The following REC114 variants were observed in gnomAD, a reference collection of about 807,000 sequenced individuals.
The protein encoded by REC114 is meiotic recombination protein REC114.
REC114 carries 27 observed loss-of-function variants against 31.3 expected under a neutral mutation model. The ratio of observed to expected loss-of-function variants is 0.86; its 90% confidence interval spans 0.64 to 1.19. The LOEUF is 1.19. Ranked by LOEUF, REC114 falls within the 50% of genes most tolerant of loss-of-function variation. The probability of loss-of-function intolerance (pLI) is 0.00; values close to 1 mark genes in which losing one functional copy is unlikely to be tolerated. For missense variants in REC114, 344 were observed against 326.9 expected, an observed-to-expected ratio of 1.05 and a Z score of -0.40; for synonymous variants, 134 against 127.7, an observed-to-expected ratio of 1.05 and a Z score of -0.33.
intron 2 of REC114, among the ~76,000 whole-genome samples, chr15:73,475,835 A>G (rs1046648459): frequency 6.6e-6 from 1 of 152,216 alleles, no homozygotes; most frequent in East Asian, 1.9e-4. Flanking sequence ...GTCCTAGGCC[A>G]TCACATTCAT....
intron 3 of REC114, 91 bp downstream of exon 3, chr15:73,540,659 T>C: frequency 1.9e-6 from 2 of 1,064,524 alleles, no homozygotes; most frequent in Non-Finnish European, 2.9e-6. Flanking sequence ...AGGTGACGGG[T>C]ACTGGGAAGA....
At chr15:73,528,545 G>A (rs749690084) in intron 2 of REC114, among the ~76,000 whole-genome samples, 5 of 152,162 alleles carry the variant, frequency 3.3e-5, no homozygotes, top group Non-Finnish European at 7.3e-5. Flanking sequence ...TAGGGCAGGG[G>A]TTAGCACACA....
chr15:73,443,513 A>G (rs1235841804), intron 1 of REC114, among the ~76,000 whole-genome samples, 169 bp downstream of exon 1: 1 of 152,236 alleles, frequency 6.6e-6, no homozygotes, highest in Non-Finnish European at 1.5e-5. Context: ...AAATACATAC[A>G]TAGCAGTAGG....
At chr15:73,447,276 G>A (rs531884327) in intron 1 of REC114, among the ~76,000 whole-genome samples, 2 of 152,304 alleles carry the variant, frequency 1.3e-5, no homozygotes, top group African/African-American at 2.4e-5. Flanking sequence ...GGAAGATCTG[G>A]GCTAGAGATG....
intron 1 of REC114, among the ~76,000 whole-genome samples, chr15:73,447,539 T>C (rs2151249714): frequency 6.6e-6 from 1 of 151,948 alleles, no homozygotes; most frequent in Admixed American, 6.6e-5. Context: ...CCGAGGCTAC[T>C]TGGGAGGCTG....
intron 1 of REC114, among the ~76,000 whole-genome samples, chr15:73,463,841 T>G (rs1419790532): frequency 2.0e-5 from 3 of 152,002 alleles, no homozygotes; most frequent in Non-Finnish European, 4.4e-5. Context: ...TTCCCTAGAC[T>G]CCTTCGGTGT....
intron 1 of REC114, among the ~76,000 whole-genome samples, chr15:73,450,879 A>G (rs1892836793): frequency 6.6e-6 from 1 of 152,242 alleles, no homozygotes; most frequent in African/African-American, 2.4e-5. Context: ...CTGCTCTTGA[A>G]TGACTACTGG....
chr15:73,478,125 G>A (rs766746868), intron 2 of REC114, among the ~76,000 whole-genome samples: 2 of 151,852 alleles, frequency 1.3e-5, no homozygotes, highest in Non-Finnish European at 2.9e-5. Context: ...CTAGCCTGGT[G>A]TGGTGGTGGG....
At chr15:73,526,878 C>T (rs1001300231) in intron 2 of REC114, among the ~76,000 whole-genome samples, 3 of 152,124 alleles carry the variant, frequency 2.0e-5, no homozygotes, top group African/African-American at 4.8e-5. Context: ...AGTTAAGTTA[C>T]TAATAATCAG....
intron 2 of REC114, among the ~76,000 whole-genome samples, chr15:73,507,425 A>G (rs1893695104): frequency 6.6e-6 from 1 of 152,058 alleles, no homozygotes; most frequent in Non-Finnish European, 1.5e-5. Flanking sequence ...GCCCAAGACA[A>G]TTCTTCTTCC....
chr15:73,461,053 G>C (rs1417898672), intron 1 of REC114, among the ~76,000 whole-genome samples: 1 of 152,014 alleles, frequency 6.6e-6, no homozygotes, highest in Non-Finnish European at 1.5e-5. Context: ...TGATACATGA[G>C]ATAATTTTTG....
chr15:73,468,394 A>C (rs1893089569), intron 1 of REC114, among the ~76,000 whole-genome samples: 1 of 152,142 alleles, frequency 6.6e-6, no homozygotes, highest in African/African-American at 2.4e-5. Context: ...TCATTAGTGT[A>C]TGTAAATGCA....
chr15:73,443,320 G>A lies in REC114; in HGVS notation c.135G>A (p.Gly45=). 6.3e-7 allele frequency: 1 copy of A among 1,582,348 alleles called. No individual in the cohort carries two copies. The highest frequency in any genetic ancestry group is 8.6e-7 in the Non-Finnish European group (1 of 1,165,462). Residue 45 remains glycine, a synonymous_variant, in exon 1 of 6, where the codon GGG becomes GGA. Transcript: ENST00000331090. ...RDPPGPCLEA[G]TAPCPTWKVF... ...CACCTGGGCCATGCCTGGAAGCTGG[G>A]ACAGCCCCCTGCCCCACATGGAAGG...
chr15:73,492,944 T>A (rs975248215), intron 2 of REC114, among the ~76,000 whole-genome samples: 3 of 152,110 alleles, frequency 2.0e-5, no homozygotes, highest in African/African-American at 7.2e-5. Context: ...TCTGCACAAT[T>A]TTCTCTTGGG....
chr15:73,550,029 A>G (rs1894366494), intron 3 of REC114, among the ~76,000 whole-genome samples: 1 of 152,198 alleles, frequency 6.6e-6, no homozygotes, highest in African/African-American at 2.4e-5. Context: ...ATATTTCATG[A>G]GGGAAAAGGA....
intron 1 of REC114, among the ~76,000 whole-genome samples, chr15:73,453,464 AAAC>A (rs1353280386): frequency 6.6e-6 from 1 of 152,182 alleles, no homozygotes; most frequent in Non-Finnish European, 1.5e-5. Context: ...AAAAGTCAGG[AAAC>A]AACAGGTGCT....
chr15:73,466,823 G>A (rs953612543), intron 1 of REC114, among the ~76,000 whole-genome samples: 9 of 152,090 alleles, frequency 5.9e-5, no homozygotes, highest in African/African-American at 2.2e-4. Context: ...ATACCAAAAG[G>A]TCCCATAAAA....
chr15:73,459,988 A>C (rs779726914), intron 1 of REC114, among the ~76,000 whole-genome samples: 22 of 152,164 alleles, frequency 1.4e-4, no homozygotes, highest in Non-Finnish European at 2.8e-4. Flanking sequence ...TGTTTAATTG[A>C]ATTATGTCAT....
At chr15:73,542,783 G>C (rs1894257518) in intron 3 of REC114, among the ~76,000 whole-genome samples, 1 of 152,140 alleles carries the variant, frequency 6.6e-6, no homozygotes, top group South Asian at 2.1e-4. Context: ...CAAGTCATTA[G>C]ATAGTCTCTG....
Sources: allele counts gnomAD v4.1 joint callset (sites outside exome capture counted in the v4.1 genomes callset), GRCh38; gene constraint gnomAD v4.1.1; transcripts MANE v1.5; gene names NCBI Gene and HGNC (gene_info 2026-07-23, HGNC 2026-07-21).